Variants in TRRAP observed in about 807,000 individuals in gnomAD.
The protein encoded by TRRAP is transformation/transcription domain associated protein.
A neutral mutation model predicts 438.8 loss-of-function variants in TRRAP; 41 were observed. That is an observed-to-expected ratio of 0.09 (90% CI 0.07 to 0.12). The LOEUF (loss-of-function observed/expected upper bound fraction) is 0.12, where lower values mean the gene tolerates loss of function less well. Ranked by LOEUF, TRRAP falls within the 10% of genes least tolerant of loss-of-function variation. TRRAP has a pLI of 1.00. For missense variants in TRRAP, 3,122 were observed against 5,055.1 expected (o/e 0.62, Z 11.60); for synonymous variants, 1,994 against 1,962.9 (o/e 1.02, Z -0.42).
At position 98,976,882 on chromosome 7, in the gene TRRAP, AG is replaced by A. The variant is rs1302093493; in HGVS notation, c.8248-51del. ...ATGACAGCACAGTGAAACTATTTTT[AG>A]GGGGGAAAAAAAGTCTCTGTCTCAA... On this transcript the variant is annotated intron_variant, in intron 55 of 72. Transcript: ENST00000456197. The surrounding 1 kb of genome is among the most constrained non-coding windows in gnomAD (Gnocchi z 4.6). 9 of 1,606,382 alleles carry A rather than the reference AG, an allele frequency of 5.6e-6. No homozygotes were observed. The highest frequency in any genetic ancestry group is 1.1e-5 in the South Asian group (1 of 90,688).
chr7:99,008,539 G>A lies in TRRAP; in HGVS notation c.10916G>A (p.Arg3639Gln), dbSNP rs375960423. ...GACCGGCTGGCTACGGTGCAGGCGC[G>A]GGGAACCCAAGCCAGCCACCAGGTA... is the stretch of plus-strand genomic sequence containing the variant. ...YYDRLATVQA[R>Q]GTQASHQVLR... is the part of the protein sequence containing the mutation. Residue 3639 changes from arginine to glutamine, a missense_variant, in exon 70 of 73, where the codon CGG becomes CAG. Arg to Gln is a conservative substitution (Grantham distance 43, BLOSUM62 1). This residue lies in a region of TRRAP where 192 missense variants were observed against 355.6 expected (regional missense o/e 0.54). Transcript: ENST00000456197. The A allele has an allele frequency of 1.2e-6, 2 of 1,613,774 alleles. No individual in the cohort carries two copies. Among genetic ancestry groups the A allele is most frequent in the African/African-American group, 1.3e-5 (1 of 75,066 alleles).
At chr7:98,995,223 GTGAGCCGGTGGGAGAT>G (rs1293417595) in intron 67 of TRRAP, among the ~76,000 whole-genome samples, 1 of 152,066 alleles carries the variant, frequency 6.6e-6, no homozygotes, top group East Asian at 1.9e-4. Context: ...CAGAGTCCTG[GTGAGCCGGTGGGAGAT>G]GGGGCCGGGT....
intron 12 of TRRAP, among the ~76,000 whole-genome samples, chr7:98,903,776 C>T (rs1278467703): frequency 1.3e-5 from 2 of 152,162 alleles, no homozygotes; most frequent in East Asian, 1.9e-4. Context: ...TACAGTTCCA[C>T]GTGGCTGGGG....
At chr7:98,996,880 A>T (rs986691898) in intron 67 of TRRAP, among the ~76,000 whole-genome samples, 1 of 152,194 alleles carries the variant, frequency 6.6e-6, no homozygotes. Context: ...TTATAAGATG[A>T]TTTTAAATTT....
At chr7:98,915,571 AT>A in intron 18 of TRRAP, 151 bp from the exon 19 acceptor site, 3 of 851,966 alleles carry the variant, frequency 3.5e-6, no homozygotes, top group Non-Finnish European at 5.2e-6. Flanking sequence ...TTAAATAAAG[AT>A]TGGAATATGC....
At chr7:98,970,422 G>A (rs1398455702) in intron 52 of TRRAP, 131 bp downstream of exon 52, 12 of 1,159,788 alleles carry the variant, frequency 1.0e-5, no homozygotes, top group Admixed American at 5.3e-5. Flanking sequence ...GTGAGGCCCC[G>A]CGCCCCACGG....
Position 98,984,335 on chromosome 7 carries a change from A to C in TRRAP, c.9265A>C (p.Met3089Leu), listed in dbSNP as rs1793060029. The change falls in exon 61 of 73, where the codon ATG becomes CTG. Residue 3089 changes from methionine (M) to leucine (L), a missense_variant. Physicochemically the swap from Met to Leu is conservative, Grantham distance 15. Coordinates refer to ENST00000456197, the MANE Select transcript of TRRAP (RefSeq NM_001375524.1). ...VKCYLQLAGVMGKNECMQGLE... is the reference protein window; with the variant it reads ...VKCYLQLAGVLGKNECMQGLE... ...ATGCTACCTCCAGCTGGCAGGCGTC[A>C]TGGGCAAAAACGAGTGCATGCAGGT... 2 of 1,591,982 alleles carry C rather than the reference A, an allele frequency of 1.3e-6. No individual in the cohort carries two copies. Among genetic ancestry groups the C allele is most frequent in the African/African-American group, 2.7e-5 (2 of 74,408 alleles).
At chr7:98,903,961 C>T (rs1295537096) in intron 12 of TRRAP, among the ~76,000 whole-genome samples, 1 of 152,226 alleles carries the variant, frequency 6.6e-6, no homozygotes, top group African/African-American at 2.4e-5. Flanking sequence ...AGGCATCCAC[C>T]ACCACGCCCG....
chr7:98,906,339 GA>G (rs1265950680), intron 13 of TRRAP, 84 bp downstream of exon 13: 29 of 1,107,608 alleles, frequency 2.6e-5, no homozygotes, highest in Non-Finnish European at 3.9e-5. Context: ...GTGTTTCAAT[GA>G]ACACCGGCTG....
intron 47 of TRRAP, 78 bp from the exon 48 acceptor site, chr7:98,964,551 T>G: frequency 1.2e-5 from 18 of 1,523,574 alleles, no homozygotes; most frequent in Non-Finnish European, 1.6e-5. Context: ...TACATTGTTT[T>G]GAATAATGTG....
chr7:98,894,448 T>G (rs1317520752), intron 6 of TRRAP, among the ~76,000 whole-genome samples: 1 of 152,174 alleles, frequency 6.6e-6, no homozygotes, highest in Non-Finnish European at 1.5e-5. Flanking sequence ...GTGCCTGTTA[T>G]AGATGATTTA....
At chr7:98,904,908 CCTTA>C (rs1796652820) in intron 12 of TRRAP, among the ~76,000 whole-genome samples, 1 of 152,146 alleles carries the variant, frequency 6.6e-6, no homozygotes. Context: ...TTTCTCTTCA[CCTTA>C]CTTTTTTGGC....
At chr7:98,894,846 A>T (rs1184659267) in intron 6 of TRRAP, among the ~76,000 whole-genome samples, 2 of 140,016 alleles carry the variant, frequency 1.4e-5, no homozygotes, top group African/African-American at 5.3e-5. Context: ...CATGTTGCCA[A>T]GCTGGTCTGT....
rs754162816 is a variant in TRRAP at position 98,976,895 on chromosome 7, A to T, written c.8248-44A>T. On this transcript the variant is annotated intron_variant, in intron 55 of 72. Coordinates refer to ENST00000456197, the MANE Select transcript of TRRAP (RefSeq NM_001375524.1). This position sits in a 1 kb window ranked among gnomAD's most constrained non-coding sequence, Gnocchi z 4.6. Reference sequence around the variant, plus strand: ...GAAACTATTTTTAGGGGGGAAAAAAAGTCTCTGTCTCAAGCACTCAGGAAC... The same window carrying T: ...GAAACTATTTTTAGGGGGGAAAAAATGTCTCTGTCTCAAGCACTCAGGAAC... The T allele has an allele frequency of 6.2e-7, 1 of 1,607,066 alleles. No homozygotes were observed. The highest frequency in any genetic ancestry group is 1.7e-5 in the Admixed American group (1 of 59,346).
intron 67 of TRRAP, among the ~76,000 whole-genome samples, chr7:98,995,317 G>A (rs1327502003): frequency 2.0e-5 from 3 of 151,560 alleles, no homozygotes; most frequent in Non-Finnish European, 4.4e-5. Flanking sequence ...AGGAGACAGC[G>A]TCTGGCGGGC....
chr7:98,962,434 G>A lies in TRRAP; in HGVS notation c.6829+7G>A, dbSNP rs1176515659. 6.2e-7 allele frequency: 1 copy of A among 1,614,214 alleles called. No homozygotes were observed. The highest frequency in any genetic ancestry group is 8.5e-7 in the Non-Finnish European group (1 of 1,180,030). On this transcript the variant is annotated splice_region_variant and intron_variant, in intron 47 of 72. Coordinates refer to ENST00000456197, the MANE Select transcript of TRRAP (RefSeq NM_001375524.1). ...AATCCCTCCCAGCTCTTCGGTGAGT[G>A]TGTGTCTGTCCTGGTGTTCGTGGTG...
intron 1 of TRRAP, 127 bp from the exon 2 acceptor site, chr7:98,880,963 G>A (rs1584259253): frequency 2.4e-6 from 1 of 412,940 alleles, no homozygotes; most frequent in Non-Finnish European, 4.2e-6. Flanking sequence ...AAAACCAGAA[G>A]GAATAGTGTT....
At chr7:99,000,753 C>T (rs948826266) in intron 67 of TRRAP, among the ~76,000 whole-genome samples, 3 of 152,310 alleles carry the variant, frequency 2.0e-5, no homozygotes, top group East Asian at 1.9e-4. Context: ...GCAGGGCCCA[C>T]ACCTTTCCCT....
intron 23 of TRRAP, among the ~76,000 whole-genome samples, chr7:98,928,621 A>G (rs764014775): frequency 6.6e-6 from 1 of 152,212 alleles, no homozygotes; most frequent in Non-Finnish European, 1.5e-5. Flanking sequence ...GTTCTCTGCC[A>G]TAGCTGGATG....
Sources: allele counts gnomAD v4.1 joint callset (sites outside exome capture counted in the v4.1 genomes callset), GRCh38; gene constraint gnomAD v4.1.1; regional missense constraint gnomAD v4.1.1; non-coding constraint Gnocchi (gnomAD v3.1); transcripts MANE v1.5; gene names NCBI Gene and HGNC (gene_info 2026-07-23, HGNC 2026-07-21).